KHDRBS3: variants seen among roughly 807,000 people sequenced by gnomAD.
The protein encoded by KHDRBS3 is KH domain-containing, RNA-binding, signal transduction-associated protein 3.
Under a neutral mutation model 45.6 loss-of-function variants are expected in KHDRBS3, and 23 were observed. The ratio of observed to expected loss-of-function variants is 0.50; its 90% confidence interval spans 0.36 to 0.72. KHDRBS3 has a LOEUF of 0.72. Among genes scored for constraint, KHDRBS3 ranks in the 30% least tolerant of loss-of-function variants. The pLI is 0.00. For synonymous variants in KHDRBS3, 162 were observed against 156.5 expected, an observed-to-expected ratio of 1.04 and a Z score of -0.26; for missense variants, 352 against 424.8, an observed-to-expected ratio of 0.83 and a Z score of 1.51.
At chr8:135,462,473 G>A (rs1821481173) in intron 1 of KHDRBS3, among the ~76,000 whole-genome samples, 1 of 152,102 alleles carries the variant, frequency 6.6e-6, no homozygotes, top group Non-Finnish European at 1.5e-5. Context: ...TCTCCTCTGT[G>A]TGCGTTTGAG....
At chr8:135,505,522 C>T (rs1012494677) in intron 1 of KHDRBS3, among the ~76,000 whole-genome samples, 1 of 152,118 alleles carries the variant, frequency 6.6e-6, no homozygotes, top group African/African-American at 2.4e-5. Flanking sequence ...ATCAGGTAAA[C>T]AGAAATCATG....
intron 1 of KHDRBS3, among the ~76,000 whole-genome samples, chr8:135,474,861 C>G (rs1158961809): frequency 1.3e-5 from 2 of 152,188 alleles, no homozygotes; most frequent in African/African-American, 2.4e-5. Context: ...CCACTGGGCT[C>G]ATGTTACGGT....
chr8:135,507,959 G>A (rs563638263), intron 1 of KHDRBS3, among the ~76,000 whole-genome samples: 4 of 152,084 alleles, frequency 2.6e-5, no homozygotes, highest in Non-Finnish European at 2.9e-5. Context: ...CTGTTTGGCC[G>A]TTTTCAGTTG....
intron 1 of KHDRBS3, among the ~76,000 whole-genome samples, chr8:135,488,349 G>A (rs1035976670): frequency 8.5e-5 from 13 of 152,138 alleles, no homozygotes; most frequent in African/African-American, 2.9e-4. Flanking sequence ...TCAGGTATAC[G>A]TGATAAGTTG....
At chr8:135,511,632 T>G (rs1824291303) in intron 1 of KHDRBS3, among the ~76,000 whole-genome samples, 1 of 152,152 alleles carries the variant, frequency 6.6e-6, no homozygotes, top group Admixed American at 6.5e-5. Context: ...CTCGGCTCAC[T>G]GCAAGCCCCG....
At chr8:135,536,234 GTTTTT>G (rs374782370) in intron 2 of KHDRBS3, among the ~76,000 whole-genome samples, 3 of 86,410 alleles carry the variant, frequency 3.5e-5, no homozygotes, top group African/African-American at 7.1e-5. Context: ...TTTCTGTCCA[GTTTTT>G]TTTTTTTTTT....
chr8:135,558,722 G>A (rs1222837019), intron 5 of KHDRBS3, among the ~76,000 whole-genome samples: 1 of 151,916 alleles, frequency 6.6e-6, no homozygotes, highest in East Asian at 1.9e-4. Context: ...GAAATCTTAG[G>A]AACTTACTTA....
intron 6 of KHDRBS3, among the ~76,000 whole-genome samples, chr8:135,596,318 G>T (rs556291730): frequency 7.9e-5 from 12 of 152,138 alleles, no homozygotes; most frequent in Non-Finnish European, 1.3e-4. Context: ...AGTCTTAAAA[G>T]AAATCTAGAG....
chr8:135,542,514 A>T (rs1205591912), intron 2 of KHDRBS3, 140 bp from the exon 3 acceptor site: 2 of 609,752 alleles, frequency 3.3e-6, no homozygotes, highest in Non-Finnish European at 6.0e-6. Flanking sequence ...GAAACATCAT[A>T]TTTTAATGCA....
At chr8:135,646,159 T>C (rs1831280066) in intron 8 of KHDRBS3, among the ~76,000 whole-genome samples, 1 of 152,102 alleles carries the variant, frequency 6.6e-6, no homozygotes, top group Admixed American at 6.6e-5. Flanking sequence ...TAAGCATTTT[T>C]CCTTCACAGC....
rs377597705 is a variant in KHDRBS3, at chr8:135,574,760, A to T, written c.612-7118A>T. Among the ~76,000 whole-genome samples the T allele has an allele frequency of 7.9e-5, 12 of 152,222 alleles. 1 individual carries two copies. The East Asian group carries it at 1.7e-3, about 22-fold the overall frequency. On this transcript the variant is annotated intron_variant, in intron 5 of 8. Coordinates refer to ENST00000355849, the MANE Select transcript of KHDRBS3 (RefSeq NM_006558.3). ...ATTTCTCTAGATATATATACTGGAG[A>T]TATACAAAGATGGGTAAGACACTAC...
chr8:135,477,777 T>C (rs1272225107), intron 1 of KHDRBS3, among the ~76,000 whole-genome samples: 1 of 152,232 alleles, frequency 6.6e-6, no homozygotes, highest in Non-Finnish European at 1.5e-5. Flanking sequence ...ATAAGAAGGA[T>C]GTGCAGGAGT....
At chr8:135,603,958 T>C (rs891791180) in intron 6 of KHDRBS3, among the ~76,000 whole-genome samples, 1 of 152,030 alleles carries the variant, frequency 6.6e-6, no homozygotes, top group African/African-American at 2.4e-5. Flanking sequence ...TTTTTTTCTT[T>C]TTTGACCTTC....
chr8:135,592,209 C>T (rs1365736701), intron 6 of KHDRBS3, among the ~76,000 whole-genome samples: 1 of 151,720 alleles, frequency 6.6e-6, no homozygotes, highest in East Asian at 1.9e-4. Flanking sequence ...GAAATAAGTT[C>T]AGATTTAAAA....
At chr8:135,598,614 A>G (rs1829073286) in intron 6 of KHDRBS3, among the ~76,000 whole-genome samples, 2 of 152,210 alleles carry the variant, frequency 1.3e-5, no homozygotes, top group Non-Finnish European at 2.9e-5. Context: ...TATGAGAAAG[A>G]TTCTTATTTA....
At chr8:135,464,527 A>G (rs567376756) in intron 1 of KHDRBS3, among the ~76,000 whole-genome samples, 1 of 152,330 alleles carries the variant, frequency 6.6e-6, no homozygotes, top group South Asian at 2.1e-4. Flanking sequence ...TAGTCAGTTT[A>G]TGGTATATTT....
At chr8:135,577,052 T>C (rs1827976350) in intron 5 of KHDRBS3, among the ~76,000 whole-genome samples, 1 of 152,152 alleles carries the variant, frequency 6.6e-6, no homozygotes, top group African/African-American at 2.4e-5. Flanking sequence ...TAACCTGTAC[T>C]TACACTTCTT....
intron 7 of KHDRBS3, among the ~76,000 whole-genome samples, chr8:135,619,380 G>A (rs1018671981): frequency 8.6e-5 from 13 of 151,898 alleles, no homozygotes; most frequent in African/African-American, 3.1e-4. Flanking sequence ...AAAAATACAT[G>A]TAGGTATATA....
chr8:135,600,840 A>G (rs1829178542), intron 6 of KHDRBS3, among the ~76,000 whole-genome samples: 1 of 152,130 alleles, frequency 6.6e-6, no homozygotes, highest in African/African-American at 2.4e-5. Flanking sequence ...CTGGGAATAC[A>G]GGTGCCCACC....
Sources: gnomAD v4.1 joint callset for allele counts (sites outside exome capture counted in the v4.1 genomes callset) on GRCh38, gnomAD v4.1.1 for gene constraint, MANE v1.5 for transcripts, NCBI Gene and HGNC (gene_info 2026-07-23, HGNC 2026-07-21) for gene names.